Variants in FGF14 observed in about 807,000 individuals in gnomAD.
FGF14 encodes the protein fibroblast growth factor homologous factor 4.
FGF14 carries 5 observed loss-of-function variants against 25.5 expected under a neutral mutation model. That is an observed-to-expected ratio of 0.20 (90% CI 0.10 to 0.41). The LOEUF is 0.41. Among genes scored for constraint, FGF14 ranks in the 10% least tolerant of loss-of-function variants. The pLI, the probability that FGF14 is intolerant of heterozygous loss-of-function variation, is 1.00. For synonymous variants in FGF14, 138 were observed against 118.3 expected (o/e 1.17, Z -1.08); for missense variants, 222 against 320.1 (o/e 0.69, Z 2.34).
intron 1 of FGF14, among the ~76,000 whole-genome samples, chr13:102,149,653 T>C (rs987567473): frequency 2.0e-5 from 3 of 152,166 alleles, no homozygotes; most frequent in African/African-American, 7.2e-5. Context: ...TCCACTTGAC[T>C]GATTGGTGGG....
chr13:101,744,252 A>G (rs1276322901), intron 3 of FGF14, among the ~76,000 whole-genome samples: 3 of 152,050 alleles, frequency 2.0e-5, no homozygotes, highest in Non-Finnish European at 4.4e-5. Flanking sequence ...CCTTATAAAA[A>G]TCCTACAGAT....
At chr13:102,159,261 C>T (rs1415420048) in intron 1 of FGF14, among the ~76,000 whole-genome samples, 1 of 150,326 alleles carries the variant, frequency 6.7e-6, no homozygotes, top group East Asian at 1.9e-4. Context: ...GTGATATGAA[C>T]AAATGATTAT....
intron 1 of FGF14, among the ~76,000 whole-genome samples, chr13:101,916,085 G>A (rs541091676): frequency 2.0e-5 from 3 of 152,348 alleles, no homozygotes; most frequent in African/African-American, 7.2e-5. Flanking sequence ...GCGAGCGGTG[G>A]CTCGACCCCG....
intron 1 of FGF14, among the ~76,000 whole-genome samples, chr13:102,189,276 A>T (rs1174324910): frequency 2.0e-5 from 3 of 152,198 alleles, no homozygotes; most frequent in Admixed American, 6.5e-5. Context: ...ATAGGGTTTA[A>T]TTGGTAGATA....
intron 1 of FGF14, among the ~76,000 whole-genome samples, chr13:102,168,908 C>T (rs2048128142): frequency 6.6e-6 from 1 of 151,784 alleles, no homozygotes. Context: ...AATACTGATT[C>T]CTGAGTTTAA....
intron 1 of FGF14, among the ~76,000 whole-genome samples, chr13:101,960,254 ATAGG>A (rs1325391464): frequency 6.6e-6 from 1 of 152,190 alleles, no homozygotes; most frequent in Non-Finnish European, 1.5e-5. Flanking sequence ...TGTTTGTTAC[ATAGG>A]TAAACATGTC....
chr13:102,033,852 T>C (rs2041338008), intron 1 of FGF14, among the ~76,000 whole-genome samples: 1 of 152,116 alleles, frequency 6.6e-6, no homozygotes, highest in Non-Finnish European at 1.5e-5. Flanking sequence ...CAAGACTCCC[T>C]ACCAGCTCAG....
intron 1 of FGF14, among the ~76,000 whole-genome samples, chr13:102,258,288 G>T (rs562690662): frequency 2.8e-4 from 43 of 152,072 alleles, no homozygotes; most frequent in Non-Finnish European, 5.7e-4. Flanking sequence ...ATCAAGCTGG[G>T]AGCACAGCAG....
At position 102,009,875 on chromosome 13, in the gene FGF14, G is replaced by A. The variant is rs1430231372; in HGVS notation, c.209-134579C>T. On this transcript the variant is annotated intron_variant, in intron 1 of 4. Coordinates refer to the FGF14 transcript ENST00000376131. Reference sequence around the variant, plus strand: ...TTTTAGAAATATAGAGGTTATTAGTGAAGCCTTCCAAAGCCATACAAAGAT... The same window carrying A: ...TTTTAGAAATATAGAGGTTATTAGTAAAGCCTTCCAAAGCCATACAAAGAT... Among the ~76,000 whole-genome samples the A allele has an allele frequency of 7.2e-5, 11 of 152,218 alleles. No homozygotes were observed. The East Asian group carries it at 2.1e-3, about 29-fold the overall frequency.
chr13:102,120,890 G>A (rs1281405389), intron 1 of FGF14, among the ~76,000 whole-genome samples: 1 of 152,104 alleles, frequency 6.6e-6, no homozygotes, highest in African/African-American at 2.4e-5. Context: ...TTTTAGTAGA[G>A]ACGGGGTTTC....
intron 1 of FGF14, among the ~76,000 whole-genome samples, chr13:102,238,744 ATTAG>A (rs1398185053): frequency 2.0e-5 from 3 of 152,220 alleles, no homozygotes; most frequent in East Asian, 1.9e-4. Flanking sequence ...TATTAATGTA[ATTAG>A]TTAGAGATTT....
At chr13:102,364,158 C>A (rs931140482) in intron 1 of FGF14, among the ~76,000 whole-genome samples, 6 of 152,218 alleles carry the variant, frequency 3.9e-5, no homozygotes, top group Admixed American at 1.3e-4. Context: ...CTTTTTAAGT[C>A]AATTTCAACA....
intron 3 of FGF14, among the ~76,000 whole-genome samples, chr13:101,764,892 G>T (rs1455882798): frequency 6.6e-6 from 1 of 152,188 alleles, no homozygotes; most frequent in Non-Finnish European, 1.5e-5. Flanking sequence ...ATGAGAATTA[G>T]CATTTTAATA....
chr13:102,126,440 A>G (rs1298788428), intron 1 of FGF14, among the ~76,000 whole-genome samples: 1 of 152,186 alleles, frequency 6.6e-6, no homozygotes, highest in East Asian at 1.9e-4. Flanking sequence ...GTATGTAGAT[A>G]CCACATTTTG....
At chr13:102,139,300 T>C (rs1373052414) in intron 1 of FGF14, among the ~76,000 whole-genome samples, 1 of 151,956 alleles carries the variant, frequency 6.6e-6, no homozygotes, top group African/African-American at 2.4e-5. Context: ...ATCGGGAGGC[T>C]GAGGCACAAA....
intron 1 of FGF14, among the ~76,000 whole-genome samples, chr13:102,067,748 G>A (rs2042964245): frequency 6.6e-6 from 1 of 151,378 alleles, no homozygotes; most frequent in South Asian, 2.1e-4. Context: ...TTATTTAAAA[G>A]GATAGTTACA....
intron 1 of FGF14, among the ~76,000 whole-genome samples, chr13:101,883,907 G>A (rs1923915): frequency 0.046 from 6,896 of 150,500 alleles, 445 homozygotes; most frequent in African/African-American, 0.14. Context: ...TACTATAAAT[G>A]CAAAAATTAG....
chr13:102,259,082 A>G (rs2052589971), intron 1 of FGF14, among the ~76,000 whole-genome samples: 1 of 152,192 alleles, frequency 6.6e-6, no homozygotes, highest in African/African-American at 2.4e-5. Flanking sequence ...GGCGCTACCA[A>G]GGCACAAAGA....
chr13:101,917,432 G>GA (rs1200765417), upstream of FGF14, among the ~76,000 whole-genome samples: 1 of 152,164 alleles, frequency 6.6e-6, no homozygotes. Context: ...AAGAGGCCGA[G>GA]CCAAAGCAGG....
Sources: allele counts gnomAD v4.1 joint callset (sites outside exome capture counted in the v4.1 genomes callset), GRCh38; gene constraint gnomAD v4.1.1; transcripts MANE v1.5; gene names NCBI Gene and HGNC (gene_info 2026-07-23, HGNC 2026-07-21).